MARCHF1: variants seen among roughly 807,000 people sequenced by gnomAD.
The protein encoded by MARCHF1 is membrane associated ring-CH-type finger 1.
A neutral mutation model predicts 54.2 loss-of-function variants in MARCHF1; 40 were observed. The ratio of observed to expected loss-of-function variants is 0.74; its 90% CI spans 0.57 to 0.96. The LOEUF (loss-of-function observed/expected upper bound fraction) is 0.96, where lower values mean the gene tolerates loss of function less well. Among genes scored for constraint, MARCHF1 ranks in the 40% least tolerant of loss-of-function variants. The pLI, the probability that MARCHF1 is intolerant of heterozygous loss-of-function variation, is 0.00. For missense variants in MARCHF1, 586 were observed against 656.5 expected (o/e 0.89, Z 1.17); for synonymous variants, 236 against 236.3 (o/e 1.00, Z 0.01).
rs1170711322 is a variant in MARCHF1 at position 163,613,316 on chromosome 4, G to GCA, written c.238_239dup (p.Arg81AlafsTer23). ...AAGATAATTTGTTCAGCACTTACCT[G>GCA]CAGATGTCCTGAGTGGATGGACAGA... On this transcript the variant is annotated frameshift_variant, in exon 6 of 10. Coordinates refer to ENST00000514618, the MANE Select transcript of MARCHF1 (RefSeq NM_001394959.1). LOFTEE classifies it high-confidence loss of function. The GCA allele has an allele frequency of 1.2e-6, 2 of 1,609,360 alleles. No individual in the cohort carries two copies. The highest frequency in any genetic ancestry group is 1.7e-6 in the Non-Finnish European group (2 of 1,178,300).
chr4:163,685,326 A>G (rs753485835), intron 5 of MARCHF1, among the ~76,000 whole-genome samples: 23 of 152,298 alleles, frequency 1.5e-4, no homozygotes, highest in Non-Finnish European at 2.6e-4. Context: ...GCCTCATATT[A>G]GTAAGCTCCA....
intron 4 of MARCHF1, among the ~76,000 whole-genome samples, chr4:163,791,105 C>CA (rs1747762758): frequency 6.6e-6 from 1 of 152,020 alleles, no homozygotes; most frequent in African/African-American, 2.4e-5. Flanking sequence ...TCCAAGGGCA[C>CA]AGTAAAGAAA....
intron 1 of MARCHF1, among the ~76,000 whole-genome samples, chr4:164,151,989 C>T (rs191283480): frequency 1.3e-5 from 2 of 152,214 alleles, no homozygotes; most frequent in Admixed American, 1.3e-4. Flanking sequence ...CATATCTATA[C>T]ACTCATTTAT....
chr4:164,373,352 C>CTTTTTTTTTTTTTTTT (rs5863683), intron 1 of MARCHF1, among the ~76,000 whole-genome samples: 1 of 91,616 alleles, frequency 1.1e-5, no homozygotes, highest in Non-Finnish European at 2.0e-5. Context: ...TGAAAAACTA[C>CTTTTTTTTTTTTTTTT]TTTTTTTTTT....
chr4:164,148,425 A>T (rs1158628816), intron 1 of MARCHF1, among the ~76,000 whole-genome samples: 1 of 151,380 alleles, frequency 6.6e-6, no homozygotes, highest in Non-Finnish European at 1.5e-5. Flanking sequence ...TGTTCTCTTA[A>T]TTTTTTTTTC....
chr4:164,041,786 T>C (rs1432173530), intron 2 of MARCHF1, among the ~76,000 whole-genome samples: 4 of 152,176 alleles, frequency 2.6e-5, no homozygotes, highest in Admixed American at 1.3e-4. Flanking sequence ...CTTATGATTC[T>C]GATGTAGGGT....
At chr4:164,192,712 A>T (rs776867455) in intron 1 of MARCHF1, among the ~76,000 whole-genome samples, 2 of 152,224 alleles carry the variant, frequency 1.3e-5, no homozygotes, top group Non-Finnish European at 2.9e-5. Flanking sequence ...CAAAACAATA[A>T]ATCATAAAAG....
intron 4 of MARCHF1, among the ~76,000 whole-genome samples, chr4:163,710,027 C>T (rs1466023750): frequency 6.6e-6 from 1 of 152,158 alleles, no homozygotes; most frequent in Non-Finnish European, 1.5e-5. Context: ...TCTACAAACA[C>T]TCCAAATTTT....
chr4:164,189,385 TCTA>T, intron 1 of MARCHF1: 1 of 656,018 alleles, frequency 1.5e-6, no homozygotes, highest in Non-Finnish European at 2.8e-6. Flanking sequence ...TCTGTTCTGG[TCTA>T]CTATGAGGCC....
intron 1 of MARCHF1, among the ~76,000 whole-genome samples, chr4:164,227,868 G>C (rs1400563199): frequency 6.6e-6 from 1 of 152,108 alleles, no homozygotes; most frequent in East Asian, 1.9e-4. Context: ...GGGAAGCACT[G>C]TAATATAATC....
chr4:163,950,062 G>A (rs932171074), intron 3 of MARCHF1, among the ~76,000 whole-genome samples: 1 of 152,214 alleles, frequency 6.6e-6, no homozygotes, highest in African/African-American at 2.4e-5. Context: ...AGCACCATAA[G>A]TTCTCACTCT....
intron 3 of MARCHF1, among the ~76,000 whole-genome samples, chr4:163,977,381 C>A (rs1241649770): frequency 1.3e-5 from 2 of 152,122 alleles, no homozygotes; most frequent in African/African-American, 2.4e-5. Context: ...GAAATGACCA[C>A]CTCCCTTGTT....
At chr4:164,333,848 T>A (rs1260566194) in intron 1 of MARCHF1, among the ~76,000 whole-genome samples, 1 of 152,198 alleles carries the variant, frequency 6.6e-6, no homozygotes, top group Non-Finnish European at 1.5e-5. Context: ...AAAGGAAAAG[T>A]TCTTGAAGGA....
intron 4 of MARCHF1, among the ~76,000 whole-genome samples, chr4:163,723,285 C>T (rs1745538928): frequency 6.6e-6 from 1 of 152,142 alleles, no homozygotes; most frequent in Admixed American, 6.5e-5. Flanking sequence ...ACTTATGAAG[C>T]TTAGTTTGGC....
intron 3 of MARCHF1, among the ~76,000 whole-genome samples, chr4:163,964,122 G>A (rs191239648): frequency 4.6e-5 from 7 of 151,916 alleles, no homozygotes; most frequent in South Asian, 4.2e-4. Flanking sequence ...CACCTGCACC[G>A]GTGCTTACCA....
chr4:163,733,227 G>GTATATATATATACACGTGTGTA (rs1745923923), intron 4 of MARCHF1, among the ~76,000 whole-genome samples: 1 of 13,818 alleles, frequency 7.2e-5, no homozygotes, highest in Non-Finnish European at 1.9e-4. Flanking sequence ...ATATACACGT[G>GTATATATATATACACGTGTGTA]TATATATATA....
intron 3 of MARCHF1, among the ~76,000 whole-genome samples, chr4:163,910,650 A>G (rs1432098949): frequency 6.6e-6 from 1 of 152,056 alleles, no homozygotes; most frequent in Non-Finnish European, 1.5e-5. Flanking sequence ...ACCCACCACC[A>G]TGCCCAGCTA....
chr4:164,358,234 T>G (rs1730619120), intron 1 of MARCHF1, among the ~76,000 whole-genome samples: 1 of 152,156 alleles, frequency 6.6e-6, no homozygotes, highest in Non-Finnish European at 1.5e-5. Context: ...GATTTAGATG[T>G]GTACCAGGAG....
At chr4:163,671,748 C>G (rs897406051) in intron 5 of MARCHF1, among the ~76,000 whole-genome samples, 5 of 152,090 alleles carry the variant, frequency 3.3e-5, no homozygotes, top group South Asian at 2.1e-4. Flanking sequence ...TGTAATCAAG[C>G]AGGTCATGGC....
Sources: gnomAD v4.1 joint callset for allele counts (sites outside exome capture counted in the v4.1 genomes callset) on GRCh38, gnomAD v4.1.1 for gene constraint, MANE v1.5 for transcripts, NCBI Gene and HGNC (gene_info 2026-07-23, HGNC 2026-07-21) for gene names.